The following CRTC1 variants were observed in gnomAD, a reference collection of about 807,000 sequenced individuals.
CRTC1 encodes CREB-regulated transcription coactivator 1.
In CRTC1, 18 loss-of-function variants were observed where a neutral mutation model predicts 66.1. The observed-to-expected ratio is 0.27, with a 90% CI of 0.19 to 0.40. The LOEUF (loss-of-function observed/expected upper bound fraction) is 0.40, where lower values mean the gene tolerates loss of function less well. Ranked by LOEUF, CRTC1 falls within the 10% of genes least tolerant of loss-of-function variation. The pLI, the probability that CRTC1 is intolerant of heterozygous loss-of-function variation, is 1.00. For synonymous variants in CRTC1, 416 were observed against 398.8 expected, an observed-to-expected ratio of 1.04 and a Z score of -0.51; for missense variants, 669 against 887.9, an observed-to-expected ratio of 0.75 and a Z score of 3.13.
intron 1 of CRTC1, among the ~76,000 whole-genome samples, chr19:18,724,868 A>G (rs946745085): frequency 7.1e-6 from 1 of 141,746 alleles, no homozygotes; most frequent in African/African-American, 2.6e-5. Context: ...GGACACCGTG[A>G]ATTCACTCCC....
Position 18,765,543 on chromosome 19 carries a change from T to TG in CRTC1, c.1011+21dup, listed in dbSNP as rs768692692. The TG allele has an allele frequency of 6.5e-5, 103 of 1,594,142 alleles. No individual in the cohort carries two copies. Among genetic ancestry groups the TG allele is most frequent in the Non-Finnish European group, 8.0e-5 (94 of 1,173,386 alleles). On this transcript the variant is annotated intron_variant, in intron 9 of 13. Transcript: ENST00000321949. ...CCATCACTCAGGTGCGAGGGCAAGG[T>TG]GGGGGGCAGGTGGGAGGGGGAAAGG...
intron 7 of CRTC1, 90 bp downstream of exon 7, chr19:18,759,681 A>G: frequency 7.1e-7 from 1 of 1,410,910 alleles, no homozygotes; most frequent in Non-Finnish European, 9.8e-7. Context: ...TTGAGGTTGC[A>G]AGTCCCTGCA....
intron 8 of CRTC1, among the ~76,000 whole-genome samples, chr19:18,761,864 C>A (rs1358962356): frequency 6.6e-6 from 1 of 152,034 alleles, no homozygotes; most frequent in Non-Finnish European, 1.5e-5. Flanking sequence ...GGAACAGGGC[C>A]CCAGCCCGAG....
intron 8 of CRTC1, among the ~76,000 whole-genome samples, chr19:18,763,670 A>G (rs2054663888): frequency 2.0e-5 from 3 of 152,222 alleles, no homozygotes; most frequent in Non-Finnish European, 4.4e-5. Context: ...GAAGAATCAG[A>G]CAGCCCAGTG....
At position 18,745,837 on chromosome 19, in the gene CRTC1, C is replaced by T; in HGVS notation, c.258C>T (p.Ser86=). 2.5e-6 allele frequency: 4 copies of T among 1,613,884 alleles called. No homozygotes were observed. The highest frequency in any genetic ancestry group is 3.4e-6 in the Non-Finnish European group (4 of 1,179,934). The part of the protein sequence containing the change: ...MDLPFQTPFQ[S]SGLDTSRTTR... Reference sequence around the variant, plus strand: ...TCCTCCCCCAGACCCCCTTCCAATCCTCGGGCCTGGACACCAGCCGGACCA... The same window carrying T: ...TCCTCCCCCAGACCCCCTTCCAATCTTCGGGCCTGGACACCAGCCGGACCA... Residue 86 remains serine, a synonymous_variant, in exon 3 of 14, where the codon TCC becomes TCT. Transcript: ENST00000321949.
intron 1 of CRTC1, among the ~76,000 whole-genome samples, chr19:18,718,100 TC>T (rs1436037801): frequency 6.6e-6 from 1 of 152,056 alleles, no homozygotes; most frequent in African/African-American, 2.4e-5. Context: ...GCTATCTAGT[TC>T]CAGAACATTC....
Position 18,768,121 on chromosome 19 carries a change from T to A in CRTC1, c.1012-364T>A, listed in dbSNP as rs773477685. ...CAAGGCCAGTGGATCACTTGAGGTTTCCCCGCAGCACCCACAGGGGCTGGG... is the reference window on the plus strand; with the variant it reads ...CAAGGCCAGTGGATCACTTGAGGTTACCCCGCAGCACCCACAGGGGCTGGG... On this transcript the variant is annotated intron_variant, in intron 9 of 13. Coordinates refer to ENST00000321949, the MANE Select transcript of CRTC1 (RefSeq NM_015321.3). This position sits in a 1 kb window ranked among gnomAD's most constrained non-coding sequence, Gnocchi z 5.6. Among the ~76,000 whole-genome samples, 49 of 152,154 alleles carry A rather than the reference T, an allele frequency of 3.2e-4. No individual in the cohort carries two copies. The highest frequency in any genetic ancestry group is 5.0e-4 in the Non-Finnish European group (34 of 68,030).
rs976638823 is a variant in CRTC1, at chr19:18,747,208, G to C, written c.443+94G>C. On this transcript the variant is annotated intron_variant, in intron 4 of 13. Coordinates refer to ENST00000321949, the MANE Select transcript of CRTC1 (RefSeq NM_015321.3). ...ACATGTGGAAAAGCAGGACACAGTC[G>C]CTTAAACAATGACCAAACTAAGATG... is the stretch of plus-strand genomic sequence containing the variant. The C allele has an allele frequency of 8.3e-6, 8 of 968,018 alleles. No homozygotes were observed. In the South Asian group the frequency reaches 1.2e-4, roughly 14 times the overall value. 60.0% of individuals were successfully genotyped at this position (968,018 alleles called of 1,614,324 possible). A position where few individuals can be genotyped will look rare whatever the true frequency, so the allele number is the denominator to read the frequency against.
chr19:18,685,515 G>A (rs898606919), intron 1 of CRTC1, among the ~76,000 whole-genome samples: 1 of 152,126 alleles, frequency 6.6e-6, no homozygotes, highest in African/African-American at 2.4e-5. Flanking sequence ...AAATTAGCCG[G>A]ACGTGGTGGT....
intron 1 of CRTC1, among the ~76,000 whole-genome samples, chr19:18,711,672 C>T (rs1446812028): frequency 1.3e-5 from 2 of 152,154 alleles, no homozygotes; most frequent in South Asian, 2.1e-4. Flanking sequence ...CCGTGCTGGT[C>T]CTGGGGTGGG....
chr19:18,720,661 C>T (rs749421009), intron 1 of CRTC1, among the ~76,000 whole-genome samples: 34 of 152,054 alleles, frequency 2.2e-4, no homozygotes, highest in African/African-American at 4.1e-4. Flanking sequence ...CCACCACGCC[C>T]GGCCTAACTT....
intron 1 of CRTC1, among the ~76,000 whole-genome samples, chr19:18,687,828 G>A (rs1568473756): frequency 6.6e-6 from 1 of 151,880 alleles, no homozygotes; most frequent in South Asian, 2.1e-4. Flanking sequence ...GGGACAGGGC[G>A]TAAAGTCGGG....
intron 1 of CRTC1, among the ~76,000 whole-genome samples, chr19:18,686,163 G>T (rs2052679409): frequency 6.6e-6 from 1 of 151,660 alleles, no homozygotes; most frequent in Non-Finnish European, 1.5e-5. Context: ...TTCCTATTCT[G>T]GGCATTTTAT....
Position 18,778,630 on chromosome 19 carries a change from C to G in CRTC1, c.*1248C>G, listed in dbSNP as rs1270427878. ...AGGGGCCTTGGCTTTTATTGAGGGT[C>G]TCTCAAAGACCCAGCCTGCCAGCCT... On this transcript the variant is annotated 3_prime_UTR_variant, in exon 14 of 14. Coordinates refer to ENST00000321949, the MANE Select transcript of CRTC1 (RefSeq NM_015321.3). 8.7e-6 allele frequency: 2 copies of G among 230,882 alleles called. No individual in the cohort carries two copies. The highest frequency in any genetic ancestry group is 1.2e-4 in the East Asian group (2 of 16,282). The allele number at this position is 230,882 out of a possible 1,614,324, so 14.3% of individuals were successfully genotyped here.
intron 2 of CRTC1, chr19:18,744,050 G>T (rs2054172521): frequency 6.3e-7 from 1 of 1,596,800 alleles, no homozygotes. Context: ...CACGCATCCC[G>T]CCTTTGGGGC....
intron 3 of CRTC1, among the ~76,000 whole-genome samples, chr19:18,746,486 C>G (rs10420223): frequency 1.2e-3 from 174 of 142,456 alleles, no homozygotes; most frequent in African/African-American, 4.2e-3. Context: ...GTCCCCCCCT[C>G]CCCCCCAACT....
At chr19:18,703,974 G>C (rs535108587) in intron 1 of CRTC1, among the ~76,000 whole-genome samples, 6 of 152,258 alleles carry the variant, frequency 3.9e-5, no homozygotes, top group African/African-American at 1.2e-4. Context: ...CTCATCATCC[G>C]TGACCTTCAC....
chr19:18,723,231 G>A (rs2053667794), intron 1 of CRTC1, among the ~76,000 whole-genome samples: 1 of 152,212 alleles, frequency 6.6e-6, no homozygotes, highest in Non-Finnish European at 1.5e-5. Flanking sequence ...CTGAGCCACT[G>A]TAATTGCCCG....
intron 5 of CRTC1, among the ~76,000 whole-genome samples, chr19:18,750,093 A>C (rs1372723662): frequency 6.6e-6 from 1 of 152,260 alleles, no homozygotes; most frequent in African/African-American, 2.4e-5. Context: ...CAGAGAAAAC[A>C]ACCCTGCAGG....
Sources: allele counts gnomAD v4.1 joint callset (sites outside exome capture counted in the v4.1 genomes callset), GRCh38; gene constraint gnomAD v4.1.1; non-coding constraint Gnocchi (gnomAD v3.1); transcripts MANE v1.5; gene names NCBI Gene and HGNC (gene_info 2026-07-23, HGNC 2026-07-21).